The following GIPC2 variants were observed in gnomAD, a reference collection of about 807,000 sequenced individuals.
GIPC2 encodes PDZ domain-containing protein GIPC2.
A neutral mutation model predicts 30.6 loss-of-function variants in GIPC2; 30 were observed. The observed-to-expected ratio is 0.98, with a 90% CI of 0.73 to 1.33. The LOEUF (loss-of-function observed/expected upper bound fraction) is 1.33. Among genes scored for constraint, GIPC2 ranks in the 40% most tolerant of loss-of-function variants. GIPC2 has a pLI of 0.00. For synonymous variants in GIPC2, 167 were observed against 150.0 expected (o/e 1.11, Z -0.83); for missense variants, 414 against 390.3 (o/e 1.06, Z -0.51).
chr1:78,096,362 T>C (rs555315841), intron 3 of GIPC2, among the ~76,000 whole-genome samples: 9 of 151,762 alleles, frequency 5.9e-5, no homozygotes, highest in African/African-American at 2.2e-4. Context: ...GTAGATGGTT[T>C]GAGATAAATA....
intron 1 of GIPC2, among the ~76,000 whole-genome samples, chr1:78,064,158 C>T (rs1283961034): frequency 1.3e-5 from 2 of 152,182 alleles, no homozygotes; most frequent in Non-Finnish European, 2.9e-5. Flanking sequence ...ACAGTCTTCC[C>T]TTGATTTACA....
intron 2 of GIPC2, among the ~76,000 whole-genome samples, chr1:78,090,532 T>C (rs1479714705): frequency 1.1e-4 from 16 of 152,140 alleles, no homozygotes. Flanking sequence ...AAAATAAGGA[T>C]TTATAACATG....
intron 5 of GIPC2, among the ~76,000 whole-genome samples, chr1:78,135,236 T>TCAA (rs1044669785): frequency 6.6e-6 from 1 of 152,044 alleles, no homozygotes; most frequent in African/African-American, 2.4e-5. Flanking sequence ...GAAGGGGTGT[T>TCAA]CTTTAAGTTT....
At chr1:78,045,639 T>C, upstream of GIPC2, 1 of 985,454 alleles carries the variant, frequency 1.0e-6, no homozygotes, top group Non-Finnish European at 1.2e-6. Context: ...GAAGGTTGAC[T>C]TCTACTTAAA....
At chr1:78,109,608 A>C (rs374201573) in intron 3 of GIPC2, among the ~76,000 whole-genome samples, 3 of 152,288 alleles carry the variant, frequency 2.0e-5, no homozygotes, top group South Asian at 2.1e-4. Context: ...TATTAAAAAC[A>C]TGTAGATAAT....
chr1:78,123,121 A>G (rs1476716086), intron 4 of GIPC2, among the ~76,000 whole-genome samples: 3 of 152,022 alleles, frequency 2.0e-5, no homozygotes, highest in African/African-American at 4.8e-5. Flanking sequence ...TTAGCTGGGC[A>G]TGGTGCTGGG....
intron 1 of GIPC2, among the ~76,000 whole-genome samples, chr1:78,061,503 T>G (rs1438974401): frequency 2.6e-5 from 4 of 152,048 alleles, no homozygotes; most frequent in African/African-American, 9.7e-5. Flanking sequence ...GTTTGTTTTT[T>G]TTTTGTTTTG....
chr1:78,109,976 G>A (rs901491694), intron 3 of GIPC2, among the ~76,000 whole-genome samples: 2 of 149,746 alleles, frequency 1.3e-5, no homozygotes, highest in Non-Finnish European at 1.5e-5. Context: ...TCGTAGGTGG[G>A]AATTGAACAA....
intron 2 of GIPC2, chr1:78,091,735 T>A: frequency 1.3e-6 from 1 of 775,410 alleles, no homozygotes; most frequent in African/African-American, 1.7e-5. Flanking sequence ...CATACAAGAA[T>A]GTTAAATTTG....
intron 2 of GIPC2, chr1:78,089,177 G>C (rs112961770): frequency 0.02 from 2,982 of 152,298 alleles, 53 homozygotes; most frequent in Non-Finnish European, 0.026. Flanking sequence ...GCATTCCACG[G>C]TGAGAGAGGC....
intron 1 of GIPC2, among the ~76,000 whole-genome samples, chr1:78,051,995 C>T (rs1332208124): frequency 6.6e-6 from 1 of 152,192 alleles, no homozygotes; most frequent in African/African-American, 2.4e-5. Context: ...TTCATGGCTT[C>T]CCCTCTCACT....
At chr1:78,080,583 G>A in intron 1 of GIPC2, 92 bp from the exon 2 acceptor site, 1 of 692,148 alleles carries the variant, frequency 1.4e-6, no homozygotes, top group South Asian at 2.2e-5. Context: ...CATAAATTGA[G>A]GAGTATTTCA....
At chr1:78,123,620 C>CA (rs1177383402) in intron 4 of GIPC2, among the ~76,000 whole-genome samples, 1 of 151,990 alleles carries the variant, frequency 6.6e-6, no homozygotes, top group East Asian at 1.9e-4. Context: ...GGCAGGGAGA[C>CA]AAAATAGGAA....
intron 1 of GIPC2, among the ~76,000 whole-genome samples, chr1:78,071,362 A>T (rs987015481): frequency 2.0e-5 from 3 of 152,136 alleles, no homozygotes; most frequent in Non-Finnish European, 4.4e-5. Flanking sequence ...AATTATAAAT[A>T]GTTATATTAT....
chr1:78,125,950 G>C lies in GIPC2; in HGVS notation c.784G>C (p.Asp262His). 6.6e-7 allele frequency: 1 copy of C among 1,510,736 alleles called. No homozygotes were observed. Among genetic ancestry groups the C allele is most frequent in the Non-Finnish European group, 9.2e-7 (1 of 1,086,192 alleles). 93.6% of individuals were successfully genotyped at this position (1,510,736 alleles called of 1,614,324 possible). The change falls in exon 5 of 6, where the codon GAT (aspartate) becomes CAT (histidine). Residue 262 changes from aspartate (D) to histidine (H), a missense_variant. By Grantham distance (81) the Asp-to-His change is moderately conservative. Coordinates refer to ENST00000370759, the MANE Select transcript of GIPC2 (RefSeq NM_017655.6). Reference protein sequence around the residue: ...DVLELYMGIRDIDLATTMFEA... With the variant: ...DVLELYMGIRHIDLATTMFEA... ...TCTTGAGTTGTACATGGGAATTCGA[G>C]ATATTGATTTAGGTAAGATTATACT... is the stretch of plus-strand genomic sequence containing the variant.
At chr1:78,062,441 G>A (rs893741207) in intron 1 of GIPC2, among the ~76,000 whole-genome samples, 10 of 151,854 alleles carry the variant, frequency 6.6e-5, no homozygotes, top group Non-Finnish European at 1.3e-4. Flanking sequence ...TGTAAAAGTG[G>A]GTGGAGGAAG....
At chr1:78,107,026 T>TCTCC (rs1457077475) in intron 3 of GIPC2, among the ~76,000 whole-genome samples, 2 of 151,588 alleles carry the variant, frequency 1.3e-5, no homozygotes, top group East Asian at 2.0e-4. Context: ...TTTAATTTCT[T>TCTCC]CTCCCTCCCT....
intron 1 of GIPC2, among the ~76,000 whole-genome samples, chr1:78,072,807 T>A (rs1470462019): frequency 6.6e-6 from 1 of 151,976 alleles, no homozygotes. Flanking sequence ...TTCTTTTCTC[T>A]CTTATTATTA....
chr1:78,047,467 T>C (rs1002833400), intron 1 of GIPC2, among the ~76,000 whole-genome samples: 37 of 152,188 alleles, frequency 2.4e-4, no homozygotes, highest in African/African-American at 8.9e-4. Context: ...CGCAAACCCA[T>C]CTGTGAATTA....
Sources: gnomAD v4.1 joint callset for allele counts (sites outside exome capture counted in the v4.1 genomes callset) on GRCh38, gnomAD v4.1.1 for gene constraint, MANE v1.5 for transcripts, NCBI Gene and HGNC (gene_info 2026-07-23, HGNC 2026-07-21) for gene names.